The following NELL1 variants were observed in gnomAD, a reference collection of about 807,000 sequenced individuals.
The protein encoded by NELL1 is neural EGFL like 1.
In NELL1, 76 loss-of-function variants were observed where a neutral mutation model predicts 107.4. The observed-to-expected ratio is 0.71, with a 90% CI of 0.59 to 0.86. The LOEUF (loss-of-function observed/expected upper bound fraction) is 0.86, where lower values mean the gene tolerates loss of function less well. Among genes scored for constraint, NELL1 ranks in the 40% least tolerant of loss-of-function variants. The pLI is 0.00. For synonymous variants in NELL1, 353 were observed against 341.2 expected (o/e 1.03, Z -0.38); for missense variants, 1,024 against 1,005.5 (o/e 1.02, Z -0.25).
chr11:20,780,195 A>T (rs557365370), intron 2 of NELL1, among the ~76,000 whole-genome samples: 1 of 152,252 alleles, frequency 6.6e-6, no homozygotes, highest in Non-Finnish European at 1.5e-5. Context: ...GAAATGTTTC[A>T]TTTTCTTGGA....
chr11:21,224,593 A>C (rs1598070), intron 13 of NELL1, among the ~76,000 whole-genome samples: 1 of 151,902 alleles, frequency 6.6e-6, no homozygotes, highest in Non-Finnish European at 1.5e-5. Context: ...CAAAATTCAC[A>C]TATTTGTTTA....
intron 15 of NELL1, among the ~76,000 whole-genome samples, chr11:21,453,738 T>C (rs1448118904): frequency 6.6e-6 from 1 of 151,848 alleles, no homozygotes; most frequent in East Asian, 1.9e-4. Flanking sequence ...TTCTTTAGAG[T>C]TGTATTTTAT....
chr11:21,169,091 C>A (rs78420136), intron 13 of NELL1, among the ~76,000 whole-genome samples: 2 of 151,786 alleles, frequency 1.3e-5, no homozygotes, highest in Non-Finnish European at 2.9e-5. Context: ...TTCAGTCTAC[C>A]CATCATTCCA....
intron 15 of NELL1, among the ~76,000 whole-genome samples, chr11:21,508,381 C>T (rs1194848495): frequency 1.3e-5 from 2 of 152,000 alleles, no homozygotes; most frequent in Non-Finnish European, 2.9e-5. Flanking sequence ...CAGTACTCAC[C>T]TACACATAGC....
intron 13 of NELL1, among the ~76,000 whole-genome samples, chr11:21,181,411 T>C (rs1017154977): frequency 2.0e-5 from 3 of 151,908 alleles, no homozygotes; most frequent in Admixed American, 6.5e-5. Flanking sequence ...AAAAAGCTGC[T>C]GTTTATTGAA....
chr11:21,521,658 C>A (rs1211016052), intron 15 of NELL1, among the ~76,000 whole-genome samples: 1 of 152,102 alleles, frequency 6.6e-6, no homozygotes, highest in African/African-American at 2.4e-5. Flanking sequence ...ATTGCTGGAT[C>A]AAATTGTAGT....
intron 4 of NELL1, among the ~76,000 whole-genome samples, chr11:20,874,551 T>C (rs1255411060): frequency 1.3e-5 from 2 of 152,234 alleles, no homozygotes; most frequent in African/African-American, 2.4e-5. Context: ...ATTGAAAGGA[T>C]TATAAAGTCT....
intron 12 of NELL1, among the ~76,000 whole-genome samples, chr11:21,068,092 A>T (rs1221199207): frequency 7.1e-6 from 1 of 140,560 alleles, no homozygotes; most frequent in Non-Finnish European, 1.5e-5. Flanking sequence ...TCTTTAACAG[A>T]TTTGTTGCTT....
chr11:21,277,254 T>G (rs1255125315), intron 14 of NELL1, among the ~76,000 whole-genome samples: 4 of 152,130 alleles, frequency 2.6e-5, no homozygotes, highest in Non-Finnish European at 5.9e-5. Context: ...GAACAGACAC[T>G]TCTCAAAAGA....
intron 15 of NELL1, among the ~76,000 whole-genome samples, chr11:21,416,875 TA>T (rs1229783123): frequency 6.6e-6 from 1 of 152,108 alleles, no homozygotes; most frequent in Non-Finnish European, 1.5e-5. Flanking sequence ...AACAATTGGG[TA>T]AATTGAATTT....
chr11:21,346,599 T>C (rs898261858), intron 14 of NELL1, among the ~76,000 whole-genome samples: 2 of 148,110 alleles, frequency 1.4e-5, no homozygotes, highest in African/African-American at 4.9e-5. Context: ...ATATATAATG[T>C]ATGATATTTG....
intron 2 of NELL1, among the ~76,000 whole-genome samples, chr11:20,703,978 C>T (rs997953025): frequency 3.3e-5 from 5 of 152,144 alleles, no homozygotes; most frequent in African/African-American, 1.2e-4. Context: ...AATGTATATT[C>T]TGTTGATTTG....
chr11:21,014,067 T>C (rs546220754), intron 12 of NELL1, among the ~76,000 whole-genome samples: 1 of 152,252 alleles, frequency 6.6e-6, no homozygotes, highest in East Asian at 1.9e-4. Flanking sequence ...ATTTTGTTTC[T>C]CTAATTGTTC....
chr11:21,442,920 A>G (rs1017094525), intron 15 of NELL1, among the ~76,000 whole-genome samples: 1 of 145,660 alleles, frequency 6.9e-6, no homozygotes, highest in African/African-American at 2.5e-5. Flanking sequence ...TTCCTTGTAA[A>G]TGGAAATGTT....
At chr11:20,720,937 A>G (rs1855366699) in intron 2 of NELL1, among the ~76,000 whole-genome samples, 1 of 152,126 alleles carries the variant, frequency 6.6e-6, no homozygotes, top group South Asian at 2.1e-4. Flanking sequence ...AGTTCAGTGC[A>G]TAACACATCT....
intron 4 of NELL1, among the ~76,000 whole-genome samples, chr11:20,852,269 T>C (rs556324122): frequency 4.8e-4 from 73 of 152,304 alleles, no homozygotes; most frequent in African/African-American, 1.6e-3. Flanking sequence ...AGACTAAACA[T>C]ACTTATCTTT....
At chr11:21,292,877 A>G (rs917454275) in intron 14 of NELL1, among the ~76,000 whole-genome samples, 1 of 152,206 alleles carries the variant, frequency 6.6e-6, no homozygotes, top group Non-Finnish European at 1.5e-5. Context: ...CTGGCTAGCC[A>G]TATGCAGAAA....
chr11:20,860,899 C>T (rs1848966141), intron 4 of NELL1, among the ~76,000 whole-genome samples: 1 of 152,168 alleles, frequency 6.6e-6, no homozygotes, highest in African/African-American at 2.4e-5. Context: ...TGTGCCCCTG[C>T]TGGAGAACAA....
chr11:20,845,805 G>T (rs1305615750), intron 3 of NELL1, among the ~76,000 whole-genome samples: 1 of 152,066 alleles, frequency 6.6e-6, no homozygotes, highest in Non-Finnish European at 1.5e-5. Context: ...GGGCCGTGGG[G>T]AGGGACATAT....
Sources: gnomAD v4.1 joint callset for allele counts (sites outside exome capture counted in the v4.1 genomes callset) on GRCh38, gnomAD v4.1.1 for gene constraint, MANE v1.5 for transcripts, NCBI Gene and HGNC (gene_info 2026-07-23, HGNC 2026-07-21) for gene names.